The following TMEM51 variants were observed in gnomAD, a reference collection of about 807,000 sequenced individuals.
TMEM51 encodes the protein chromosome 1 open reading frame 72.
A neutral mutation model predicts 13.6 loss-of-function variants in TMEM51; 8 were observed. The ratio of observed to expected loss-of-function variants is 0.59; its 90% confidence interval spans 0.35 to 1.07. TMEM51 has a LOEUF of 1.07. TMEM51 is among the 50% of genes least tolerant of loss of function. The probability of loss-of-function intolerance (pLI) is 0.02; values close to 1 mark genes in which losing one functional copy is unlikely to be tolerated. For synonymous variants in TMEM51, 147 were observed against 144.4 expected (o/e 1.02, Z -0.13); for missense variants, 279 against 330.7 (o/e 0.84, Z 1.21).
At chr1:15,159,715 C>T (rs1285532385) in intron 1 of TMEM51, among the ~76,000 whole-genome samples, 1 of 152,208 alleles carries the variant, frequency 6.6e-6, no homozygotes, top group African/African-American at 2.4e-5. Context: ...CGCCACCACA[C>T]CCAGCTAATT....
intron 1 of TMEM51, among the ~76,000 whole-genome samples, chr1:15,195,505 T>C (rs906176656): frequency 1.3e-5 from 2 of 152,060 alleles, no homozygotes; most frequent in Admixed American, 6.5e-5. Flanking sequence ...CTTGTCCCCA[T>C]AGTTTGTTCC....
intron 1 of TMEM51, among the ~76,000 whole-genome samples, chr1:15,177,057 C>T (rs1328843566): frequency 6.6e-6 from 1 of 152,116 alleles, no homozygotes; most frequent in African/African-American, 2.4e-5. Flanking sequence ...AGATGGGAGG[C>T]AGCAGGGAGT....
chr1:15,176,346 G>A (rs529742357), intron 1 of TMEM51, among the ~76,000 whole-genome samples: 4 of 152,176 alleles, frequency 2.6e-5, no homozygotes, highest in East Asian at 3.9e-4. Flanking sequence ...GAGAGAAAGC[G>A]GGAATGAAAC....
intron 1 of TMEM51, chr1:15,168,460 T>A (rs771863614): frequency 7.7e-7 from 1 of 1,290,426 alleles, no homozygotes; most frequent in Non-Finnish European, 1.0e-6. Context: ...TGCAATTAGC[T>A]GTAACTCAGA....
Position 15,199,468 on chromosome 1 carries a change from G to C in TMEM51, c.-266-11022G>C, listed in dbSNP as rs114989691. Among the ~76,000 whole-genome samples, 1,198 of 152,274 alleles carry C rather than the reference G, an allele frequency of 7.9e-3. 16 individuals carry two copies. The highest frequency in any genetic ancestry group is 0.027 in the African/African-American group (1,137 of 41,540). On this transcript the variant is annotated intron_variant, in intron 1 of 3. Coordinates refer to ENST00000376008, the MANE Select transcript of TMEM51 (RefSeq NM_001136218.2). Reference sequence around the variant, plus strand: ...GAGATTTTAAAACCCAGGGGGGCAGGTGGTTGTGAGGGTGGGCTAGCCACG... The same window carrying C: ...GAGATTTTAAAACCCAGGGGGGCAGCTGGTTGTGAGGGTGGGCTAGCCACG...
chr1:15,165,033 C>T (rs1426951704), intron 1 of TMEM51, among the ~76,000 whole-genome samples: 1 of 152,086 alleles, frequency 6.6e-6, no homozygotes. Context: ...CACCTCTTGA[C>T]CTTGTGATCC....
intron 3 of TMEM51, among the ~76,000 whole-genome samples, chr1:15,216,608 A>G (rs1474635854): frequency 5.3e-5 from 8 of 152,140 alleles, no homozygotes. Context: ...TATTGATCCT[A>G]TTTATAAGAG....
intron 2 of TMEM51, among the ~76,000 whole-genome samples, chr1:15,213,853 T>C (rs1644380692): frequency 6.6e-6 from 1 of 152,010 alleles, no homozygotes; most frequent in Admixed American, 6.6e-5. Context: ...GCAAACTTTT[T>C]TTTTTCGAGA....
intron 1 of TMEM51, among the ~76,000 whole-genome samples, chr1:15,191,590 C>T (rs1643922101): frequency 6.6e-6 from 1 of 152,206 alleles, no homozygotes; most frequent in South Asian, 2.1e-4. Context: ...CAGAGAGTTT[C>T]CTTCATCTGC....
intron 1 of TMEM51, among the ~76,000 whole-genome samples, chr1:15,164,854 G>C (rs1642934254): frequency 1.4e-5 from 2 of 143,686 alleles, no homozygotes; most frequent in South Asian, 4.4e-4. Flanking sequence ...CCAGGCCAGA[G>C]TGCAGTGGCA....
intron 1 of TMEM51, among the ~76,000 whole-genome samples, chr1:15,155,588 C>A (rs1573362359): frequency 6.6e-6 from 1 of 152,158 alleles, no homozygotes; most frequent in Non-Finnish European, 1.5e-5. Context: ...GGAGTCCCCC[C>A]AGGGAACAGG....
upstream of TMEM51, among the ~76,000 whole-genome samples, chr1:15,153,173 C>T (rs951854703): frequency 1.3e-5 from 2 of 152,192 alleles, no homozygotes; most frequent in African/African-American, 4.8e-5. Flanking sequence ...TCACTCACCT[C>T]GCTGGGAACC....
At chr1:15,152,639 A>T (rs1642434988), upstream of TMEM51, 1 of 152,308 alleles carries the variant, frequency 6.6e-6, no homozygotes, top group Admixed American at 6.5e-5. Flanking sequence ...TCTAAGGCTC[A>T]GAGAGGGAAT....
At chr1:15,217,986 C>T (rs945565533) in intron 3 of TMEM51, among the ~76,000 whole-genome samples, 2 of 152,224 alleles carry the variant, frequency 1.3e-5, no homozygotes, top group Admixed American at 1.3e-4. Context: ...ATTCCCCACC[C>T]TAGCTGTGAG....
At chr1:15,185,756 C>T (rs1048209925) in intron 1 of TMEM51, among the ~76,000 whole-genome samples, 7 of 152,206 alleles carry the variant, frequency 4.6e-5, no homozygotes, top group Admixed American at 4.6e-4. Context: ...AGTTGAATCT[C>T]TTTTCACTGG....
chr1:15,211,312 G>A (rs1383945925), intron 2 of TMEM51, among the ~76,000 whole-genome samples: 2 of 152,044 alleles, frequency 1.3e-5, no homozygotes, highest in Non-Finnish European at 2.9e-5. Context: ...ATATTCTGTG[G>A]CCCTGTGGAG....
rs1160027981 is a variant in TMEM51, at chr1:15,207,523, G to A, written c.-266-2967G>A. Among the ~76,000 whole-genome samples, 2 of 152,216 alleles carry A rather than the reference G, an allele frequency of 1.3e-5. No homozygotes were observed. The highest frequency in any genetic ancestry group is 4.8e-5 in the African/African-American group (2 of 41,464). On this transcript the variant is annotated intron_variant, in intron 1 of 3. Transcript: ENST00000376008. The surrounding 1 kb of genome is among the most constrained non-coding windows in gnomAD (Gnocchi z 4.6). ...AAGTTCATGGAGACTCAATCCAGATGTGCCTGGCTGTGATGGCCCCACTCA... is the reference window on the plus strand; with the variant it reads ...AAGTTCATGGAGACTCAATCCAGATATGCCTGGCTGTGATGGCCCCACTCA...
intron 2 of TMEM51, among the ~76,000 whole-genome samples, chr1:15,213,111 T>G (rs1296328917): frequency 2.0e-5 from 3 of 152,226 alleles, no homozygotes; most frequent in Admixed American, 6.5e-5. Context: ...CTTACTTTAT[T>G]GGTATTCCCT....
chr1:15,215,439 C>T lies in TMEM51; in HGVS notation c.344+8C>T. 6.3e-7 allele frequency: 1 copy of T among 1,586,054 alleles called. No homozygotes were observed. The highest frequency in any genetic ancestry group is 8.6e-7 in the Non-Finnish European group (1 of 1,168,456). ...CGCCCAGGAGGAAGACAGGTGAGGCCTGACTGTCCCCTTCCCTCCCCGGAT... is the reference window on the plus strand; with the variant it reads ...CGCCCAGGAGGAAGACAGGTGAGGCTTGACTGTCCCCTTCCCTCCCCGGAT... On this transcript the variant is annotated splice_region_variant and intron_variant, in intron 3 of 3. Coordinates refer to ENST00000376008, the MANE Select transcript of TMEM51 (RefSeq NM_001136218.2).
Sources: allele counts gnomAD v4.1 joint callset (sites outside exome capture counted in the v4.1 genomes callset), GRCh38; gene constraint gnomAD v4.1.1; non-coding constraint Gnocchi (gnomAD v3.1); transcripts MANE v1.5; gene names NCBI Gene and HGNC (gene_info 2026-07-23, HGNC 2026-07-21).